NOSTRIN: variants seen among roughly 807,000 people sequenced by gnomAD.
NOSTRIN encodes nitric oxide synthase trafficking, also known as BM247 homolog.
NOSTRIN carries 63 observed loss-of-function variants against 59.0 expected under a neutral mutation model. The ratio of observed to expected loss-of-function variants is 1.07; its 90% confidence interval spans 0.87 to 1.32. The LOEUF (loss-of-function observed/expected upper bound fraction) is 1.32, where lower values mean the gene tolerates loss of function less well. Among genes scored for constraint, NOSTRIN ranks in the 40% most tolerant of loss-of-function variants. The pLI, the probability that NOSTRIN is intolerant of heterozygous loss-of-function variation, is 0.00. For synonymous variants in NOSTRIN, 200 were observed against 165.4 expected, an observed-to-expected ratio of 1.21 and a Z score of -1.61; for missense variants, 512 against 473.1, an observed-to-expected ratio of 1.08 and a Z score of -0.76.
At chr2:168,861,047 G>A in intron 14 of NOSTRIN, 138 bp downstream of exon 14, 1 of 602,676 alleles carries the variant, frequency 1.7e-6, no homozygotes, top group Non-Finnish European at 3.0e-6. Context: ...CGATTAATTT[G>A]TTAGACTCTG....
intron 8 of NOSTRIN, among the ~76,000 whole-genome samples, chr2:168,845,103 A>T (rs1688333963): frequency 6.6e-6 from 1 of 152,176 alleles, no homozygotes; most frequent in Non-Finnish European, 1.5e-5. Flanking sequence ...AAATTCCTTA[A>T]TTTACACCTT....
At chr2:168,835,212 C>T (rs554793242) in intron 7 of NOSTRIN, among the ~76,000 whole-genome samples, 1 of 152,146 alleles carries the variant, frequency 6.6e-6, no homozygotes, top group East Asian at 1.9e-4. Flanking sequence ...GTAGCTGGGA[C>T]TACAGGTGTG....
chr2:168,817,050 C>A, intron 2 of NOSTRIN, among the ~76,000 whole-genome samples: 1 of 152,216 alleles, frequency 6.6e-6, no homozygotes, highest in Middle Eastern at 3.2e-3. Context: ...AACCCATAGA[C>A]CAGCCACTGT....
chr2:168,852,795 C>CT (rs1158661240), intron 10 of NOSTRIN, among the ~76,000 whole-genome samples: 7 of 151,950 alleles, frequency 4.6e-5, no homozygotes, highest in Admixed American at 1.3e-4. Context: ...TTTACTGAGT[C>CT]TTTTTTTTCC....
At chr2:168,791,168 G>T (rs1419042471) in intron 2 of NOSTRIN, among the ~76,000 whole-genome samples, 3 of 152,064 alleles carry the variant, frequency 2.0e-5, no homozygotes, top group African/African-American at 7.2e-5. Context: ...ACAGTCCCCA[G>T]TGTGTGATGT....
At chr2:168,808,268 T>C (rs1352515379) in intron 1 of NOSTRIN, among the ~76,000 whole-genome samples, 1 of 152,160 alleles carries the variant, frequency 6.6e-6, no homozygotes, top group Non-Finnish European at 1.5e-5. Flanking sequence ...TTCTCTCCCA[T>C]AGGTAACTTC....
At chr2:168,827,182 G>T (rs1313022212) in intron 3 of NOSTRIN, among the ~76,000 whole-genome samples, 1 of 152,164 alleles carries the variant, frequency 6.6e-6, no homozygotes, top group Non-Finnish European at 1.5e-5. Context: ...CTGTACCTGG[G>T]GTTTCTTGAT....
At chr2:168,862,542 GTGTA>G (rs1398298158) in intron 15 of NOSTRIN, among the ~76,000 whole-genome samples, 4 of 127,258 alleles carry the variant, frequency 3.1e-5, no homozygotes, top group Non-Finnish European at 7.4e-5. Context: ...TCTCAACTTA[GTGTA>G]AGTAAGTGCA....
chr2:168,828,364 A>G (rs1687169186), intron 4 of NOSTRIN, 56 bp from the exon 5 acceptor site: 1 of 865,404 alleles, frequency 1.2e-6, no homozygotes, highest in Non-Finnish European at 2.0e-6. Context: ...AGTAATTTGG[A>G]AAGTAGATGT....
intron 2 of NOSTRIN, among the ~76,000 whole-genome samples, chr2:168,817,300 G>A (rs951706187): frequency 3.3e-5 from 5 of 152,112 alleles, no homozygotes. Context: ...AGAGTCTTAG[G>A]GTCCTCTATG....
chr2:168,837,182 C>T (rs1266616352), intron 7 of NOSTRIN, among the ~76,000 whole-genome samples: 1 of 151,588 alleles, frequency 6.6e-6, no homozygotes, highest in African/African-American at 2.4e-5. Flanking sequence ...TCCCATCTTG[C>T]AAGAGTAAAG....
At chr2:168,844,845 A>C (rs578797) in intron 8 of NOSTRIN, among the ~76,000 whole-genome samples, 96,747 of 150,952 alleles carry the variant, frequency 0.64, 32,047 homozygotes, top group African/African-American at 0.81. Context: ...ACACTAGCCT[A>C]GGCGACAGAG....
chr2:168,793,863 T>G (rs532495880), upstream of NOSTRIN, among the ~76,000 whole-genome samples: 1 of 152,320 alleles, frequency 6.6e-6, no homozygotes, highest in South Asian at 2.1e-4. Flanking sequence ...TTCTGTTACG[T>G]AAACACAGCT....
chr2:168,849,918 AT>A (rs71297456), intron 8 of NOSTRIN, among the ~76,000 whole-genome samples: 30 of 91,396 alleles, frequency 3.3e-4, no homozygotes, highest in Admixed American at 6.8e-4. Flanking sequence ...ACATTTTCTC[AT>A]TTTTTTTTTT....
intron 7 of NOSTRIN, among the ~76,000 whole-genome samples, chr2:168,837,266 C>T (rs914800584): frequency 8.8e-5 from 12 of 135,662 alleles, no homozygotes; most frequent in African/African-American, 3.2e-4. Context: ...TTTTACAATA[C>T]ATCTTTTTTT....
At chr2:168,855,089 G>A (rs1688999101) in intron 10 of NOSTRIN, among the ~76,000 whole-genome samples, 1 of 152,114 alleles carries the variant, frequency 6.6e-6, no homozygotes, top group Non-Finnish European at 1.5e-5. Flanking sequence ...TATAGCAAGG[G>A]TCCATCCTCA....
intron 8 of NOSTRIN, among the ~76,000 whole-genome samples, chr2:168,846,391 A>G (rs1688427152): frequency 6.6e-6 from 1 of 152,144 alleles, no homozygotes; most frequent in African/African-American, 2.4e-5. Flanking sequence ...GTGTTCTCTT[A>G]TTCCTTTTTA....
intron 2 of NOSTRIN, 127 bp from the exon 3 acceptor site, chr2:168,824,507 C>T: frequency 3.4e-6 from 2 of 590,016 alleles, no homozygotes; most frequent in Non-Finnish European, 6.3e-6. Flanking sequence ...CCATGTTGGC[C>T]AGGCTGGTCT....
intron 2 of NOSTRIN, among the ~76,000 whole-genome samples, chr2:168,824,239 A>G (rs1286090791): frequency 6.6e-6 from 1 of 152,128 alleles, no homozygotes; most frequent in Non-Finnish European, 1.5e-5. Context: ...CTTCTTGCAT[A>G]CATGTGTGCA....
Sources: gnomAD v4.1 joint callset for allele counts (sites outside exome capture counted in the v4.1 genomes callset) on GRCh38, gnomAD v4.1.1 for gene constraint, MANE v1.5 for transcripts, NCBI Gene and HGNC (gene_info 2026-07-23, HGNC 2026-07-21) for gene names.